Variants in RELB observed in about 807,000 individuals in gnomAD.
RELB encodes the protein transcription factor RelB.
Under a neutral mutation model 55.4 loss-of-function variants are expected in RELB, and 14 were observed. The ratio of observed to expected loss-of-function variants is 0.25; its 90% CI spans 0.17 to 0.40. The LOEUF is 0.40. Ranked by LOEUF, RELB falls within the 10% of genes least tolerant of loss-of-function variation. RELB has a pLI of 1.00. For missense variants in RELB, 669 were observed against 830.7 expected (o/e 0.81, Z 2.39); for synonymous variants, 409 against 371.3 (o/e 1.10, Z -1.17).
intron 9 of RELB, 39 bp downstream of exon 9, chr19:45,032,788 A>G (rs1971641308): frequency 6.5e-7 from 1 of 1,541,634 alleles, no homozygotes; most frequent in East Asian, 2.4e-5. Flanking sequence ...CACCTCGGAG[A>G]CTAGGTCTTT....
intron 8 of RELB, among the ~76,000 whole-genome samples, chr19:45,029,626 G>T (rs756156116): frequency 1.3e-5 from 2 of 152,032 alleles, no homozygotes; most frequent in African/African-American, 2.4e-5. Flanking sequence ...AAGGTGGGCG[G>T]ATCACCTGAG....
intron 3 of RELB, among the ~76,000 whole-genome samples, chr19:45,011,248 C>T (rs920340265): frequency 9.2e-5 from 14 of 152,018 alleles, no homozygotes; most frequent in Admixed American, 3.3e-4. Flanking sequence ...CTGCAACCTC[C>T]GCCTGACGGT....
chr19:45,034,420 A>T, intron 10 of RELB, 31 bp from the exon 11 acceptor site: 2 of 1,610,880 alleles, frequency 1.2e-6, no homozygotes, highest in Non-Finnish European at 1.7e-6. Context: ...GCTGTCGGGG[A>T]ACAGGGGTCC....
At chr19:45,029,284 G>A (rs1971593716) in intron 8 of RELB, among the ~76,000 whole-genome samples, 1 of 152,192 alleles carries the variant, frequency 6.6e-6, no homozygotes, top group African/African-American at 2.4e-5. Flanking sequence ...GGACTCTGAT[G>A]TTAAGGGTGG....
chr19:45,014,115 T>C (rs35323381), intron 4 of RELB, among the ~76,000 whole-genome samples: 1,632 of 151,956 alleles, frequency 0.011, 33 homozygotes, highest in African/African-American at 0.037. Context: ...GATGATATAC[T>C]GAGATGTATC....
chr19:45,031,945 A>T (rs911548454), intron 8 of RELB, among the ~76,000 whole-genome samples: 6 of 151,974 alleles, frequency 3.9e-5, no homozygotes, highest in Non-Finnish European at 7.4e-5. Context: ...ATATAAAAAT[A>T]CATAAAACAA....
At chr19:45,030,514 T>C (rs1022174341) in intron 8 of RELB, among the ~76,000 whole-genome samples, 1 of 151,748 alleles carries the variant, frequency 6.6e-6, no homozygotes, top group Non-Finnish European at 1.5e-5. Flanking sequence ...CACCTGTAAT[T>C]CCAGCTACTT....
At chr19:45,003,671 C>T (rs943621317) in intron 2 of RELB, 2 of 503,722 alleles carry the variant, frequency 4.0e-6, no homozygotes, top group African/African-American at 3.9e-5. Context: ...CCAGTTCAGG[C>T]CTCAGTTTTC....
intron 2 of RELB, among the ~76,000 whole-genome samples, chr19:45,005,360 A>G (rs1158872529): frequency 6.6e-6 from 1 of 152,122 alleles, no homozygotes. Context: ...AAATTATGAC[A>G]TTTTTTCTTA....
intron 11 of RELB, among the ~76,000 whole-genome samples, chr19:45,036,613 G>T (rs1971688684): frequency 6.6e-6 from 1 of 152,078 alleles, no homozygotes; most frequent in South Asian, 2.1e-4. Flanking sequence ...TAGGAGCATG[G>T]TTTCAACCCC....
At chr19:45,020,700 G>A (rs1279605651) in intron 4 of RELB, among the ~76,000 whole-genome samples, 1 of 151,652 alleles carries the variant, frequency 6.6e-6, no homozygotes, top group Non-Finnish European at 1.5e-5. Context: ...TGGGACTACA[G>A]GTGCCCGCCA....
chr19:45,003,085 C>T lies in RELB; in HGVS notation c.154+89C>T, dbSNP rs1288923140. On this transcript the variant is annotated intron_variant, in intron 2 of 11. Coordinates refer to ENST00000221452, the MANE Select transcript of RELB (RefSeq NM_006509.4). The stretch of plus-strand genomic sequence containing the variant: ...AGAGATGTCTCTGTTTGGGGGTTCA[C>T]GAGGTCCACCTCAGCTTTCTCCTGA... The T allele has an allele frequency of 6.3e-6, 8 of 1,278,318 alleles. No homozygotes were observed. In the Admixed American group the frequency reaches 8.2e-5, roughly 13 times the overall value. 79.2% of individuals were successfully genotyped at this position (1,278,318 alleles called of 1,614,324 possible).
At chr19:45,010,615 C>G (rs942015891) in intron 3 of RELB, among the ~76,000 whole-genome samples, 2 of 152,122 alleles carry the variant, frequency 1.3e-5, no homozygotes, top group Admixed American at 6.6e-5. Context: ...AAGCAGCCAG[C>G]ATGGGTTGAA....
intron 5 of RELB, 118 bp from the exon 6 acceptor site, chr19:45,025,211 G>A: frequency 1.4e-6 from 1 of 710,382 alleles, no homozygotes. Context: ...CCTGGGCCTG[G>A]GATGTCAGCC....
At chr19:45,018,599 A>C (rs1048627650) in intron 4 of RELB, among the ~76,000 whole-genome samples, 3 of 151,962 alleles carry the variant, frequency 2.0e-5, no homozygotes, top group Admixed American at 1.3e-4. Context: ...TAAATAAATA[A>C]GAATTTAAAC....
At chr19:45,016,569 GT>G (rs1466641059) in intron 4 of RELB, among the ~76,000 whole-genome samples, 17 of 152,138 alleles carry the variant, frequency 1.1e-4, no homozygotes, top group Admixed American at 1.1e-3. Context: ...AACAATTAGT[GT>G]GCTGGTTGCA....
At chr19:45,003,572 G>T in intron 2 of RELB, 1 of 517,466 alleles carries the variant, frequency 1.9e-6, no homozygotes, top group South Asian at 1.4e-5. Flanking sequence ...CTTAGTAGAA[G>T]GTAATCACTG....
intron 4 of RELB, among the ~76,000 whole-genome samples, chr19:45,013,432 T>C (rs1245277386): frequency 2.7e-5 from 4 of 149,890 alleles, no homozygotes; most frequent in Non-Finnish European, 5.9e-5. Context: ...TGAGCCACTG[T>C]GCCTGGCCTC....
chr19:45,009,703 G>A (rs555549807), intron 2 of RELB, 111 bp from the exon 3 acceptor site: 6 of 1,281,978 alleles, frequency 4.7e-6, no homozygotes, highest in Admixed American at 1.8e-5. Context: ...GACGGAGGAA[G>A]ACGGAAGGGT....
Sources: gnomAD v4.1 joint callset for allele counts (sites outside exome capture counted in the v4.1 genomes callset) on GRCh38, gnomAD v4.1.1 for gene constraint, MANE v1.5 for transcripts, NCBI Gene and HGNC (gene_info 2026-07-23, HGNC 2026-07-21) for gene names.